DRC8: variants seen among roughly 807,000 people sequenced by gnomAD.
DRC8 encodes the protein dynein regulatory complex protein 8.
chr1:245,013,473 T>G, the DRC8 span, among the ~76,000 whole-genome samples: 4 of 152,214 alleles, frequency 2.6e-5, no homozygotes, highest in African/African-American at 9.7e-5. Flanking sequence ...TGTGTTCAAC[T>G]CGTTGAATTT....
At chr1:244,970,116 A>G in the DRC8 span, 1 of 674,910 alleles carries the variant, frequency 1.5e-6, no homozygotes, top group Non-Finnish European at 2.7e-6. Flanking sequence ...CCGTGTGATG[A>G]AGCAACATGC....
chr1:245,059,336 C>T, the DRC8 span: 1 of 1,390,638 alleles, frequency 7.2e-7, no homozygotes, highest in Admixed American at 1.8e-5. Context: ...AGAAACCTGG[C>T]CTTTTCGGAG....
At chr1:245,004,571 A>C in the DRC8 span, among the ~76,000 whole-genome samples, 10 of 152,258 alleles carry the variant, frequency 6.6e-5, no homozygotes, top group African/African-American at 2.4e-4. Context: ...GATATTTTGT[A>C]TATTGGCCAT....
At chr1:245,000,332 C>A in the DRC8 span, among the ~76,000 whole-genome samples, 55 of 152,314 alleles carry the variant, frequency 3.6e-4, no homozygotes, top group African/African-American at 1.1e-3. Flanking sequence ...CTGCGTGCAA[C>A]TTAAAACTTA....
At chr1:245,034,809 A>G in the DRC8 span, among the ~76,000 whole-genome samples, 1 of 151,796 alleles carries the variant, frequency 6.6e-6, no homozygotes, top group Non-Finnish European at 1.5e-5. Flanking sequence ...AGATAAAAAC[A>G]GAATTAATGG....
At chr1:245,105,632 A>C in the DRC8 span, among the ~76,000 whole-genome samples, 221 of 151,272 alleles carry the variant, frequency 1.5e-3, 1 homozygote, top group Middle Eastern at 0.017. Context: ...CAAAAAAAAA[A>C]AAAAAACAAA....
chr1:245,090,669 C>G, the DRC8 span, among the ~76,000 whole-genome samples: 1 of 151,682 alleles, frequency 6.6e-6, no homozygotes, highest in African/African-American at 2.4e-5. Context: ...AAGAATGAAG[C>G]TTATTTCTGT....
chr1:245,114,956 C>T, the DRC8 span, among the ~76,000 whole-genome samples: 2 of 152,068 alleles, frequency 1.3e-5, no homozygotes, highest in Non-Finnish European at 2.9e-5. Flanking sequence ...GATCTCGTGA[C>T]CTTGTGATCC....
At chr1:244,970,981 TGAG>T in the DRC8 span, 1 of 165,548 alleles carries the variant, frequency 6.0e-6, no homozygotes, top group Non-Finnish European at 1.3e-5. Context: ...GTGGCCTGGG[TGAG>T]GAGGAGTTCT....
At chr1:245,041,142 A>G in the DRC8 span, among the ~76,000 whole-genome samples, 2 of 152,178 alleles carry the variant, frequency 1.3e-5, no homozygotes, top group Non-Finnish European at 2.9e-5. Context: ...TAAGATTAGG[A>G]GTCAGCTGTG....
the DRC8 span, among the ~76,000 whole-genome samples, chr1:245,072,617 C>A: frequency 6.6e-6 from 1 of 152,138 alleles, no homozygotes; most frequent in East Asian, 1.9e-4. Flanking sequence ...TTGTCCACAC[C>A]CATTGAATGT....
the DRC8 span, among the ~76,000 whole-genome samples, chr1:245,019,434 C>A: frequency 0.026 from 4,029 of 152,204 alleles, 142 homozygotes; most frequent in East Asian, 0.14. Context: ...GTCCTCCAGG[C>A]TAGATTATAG....
chr1:245,113,919 G>A, the DRC8 span, among the ~76,000 whole-genome samples: 28 of 152,262 alleles, frequency 1.8e-4, no homozygotes, highest in East Asian at 1.7e-3. Context: ...CCGACTCCAC[G>A]GTCCAAGGCT....
chr1:245,047,126 C>T, the DRC8 span, among the ~76,000 whole-genome samples: 8 of 152,218 alleles, frequency 5.3e-5, no homozygotes, highest in Non-Finnish European at 1.2e-4. Context: ...TTTCCACACA[C>T]ACTTGACTCC....
the DRC8 span, among the ~76,000 whole-genome samples, chr1:244,972,494 T>G: frequency 6.6e-6 from 1 of 152,222 alleles, no homozygotes; most frequent in African/African-American, 2.4e-5. Flanking sequence ...AGTCTTCATT[T>G]TAACATGTTT....
chr1:245,054,416 G>A, the DRC8 span, among the ~76,000 whole-genome samples: 4 of 152,174 alleles, frequency 2.6e-5, no homozygotes, highest in Admixed American at 2.6e-4. Context: ...CACCTTCAAC[G>A]GAGAGTGCCC....
chr1:245,007,456 A>G, the DRC8 span, among the ~76,000 whole-genome samples: 6 of 152,222 alleles, frequency 3.9e-5, no homozygotes, highest in African/African-American at 1.4e-4. Flanking sequence ...AAGATGTCAT[A>G]ATAGCATTGG....
the DRC8 span, among the ~76,000 whole-genome samples, chr1:245,048,033 G>C: frequency 6.6e-6 from 1 of 151,698 alleles, no homozygotes; most frequent in Non-Finnish European, 1.5e-5. Flanking sequence ...AGAGGAGGTG[G>C]ATCATCATAA....
chr1:245,004,236 A>C, the DRC8 span, among the ~76,000 whole-genome samples: 1 of 151,784 alleles, frequency 6.6e-6, no homozygotes, highest in East Asian at 1.9e-4. Context: ...TTTTTTTTAC[A>C]TGACAAAATT....
Sources: allele counts gnomAD v4.1 joint callset (sites outside exome capture counted in the v4.1 genomes callset), GRCh38; gene constraint gnomAD v4.1.1; transcripts MANE v1.5; gene names NCBI Gene and HGNC (gene_info 2026-07-23, HGNC 2026-07-21).